The following ZBTB20 variants were observed in gnomAD, a reference collection of about 807,000 sequenced individuals.
ZBTB20 encodes zinc finger and BTB domain-containing protein 20.
A neutral mutation model predicts 56.9 loss-of-function variants in ZBTB20; 9 were observed. The observed-to-expected ratio is 0.16, with a 90% CI of 0.10 to 0.28. The LOEUF is 0.28. Ranked by LOEUF, ZBTB20 falls within the 10% of genes least tolerant of loss-of-function variation. The pLI is 1.00. For missense variants in ZBTB20, 655 were observed against 1,003.0 expected (o/e 0.65, Z 4.69); for synonymous variants, 417 against 420.7 (o/e 0.99, Z 0.11).
intron 5 of ZBTB20, among the ~76,000 whole-genome samples, chr3:114,778,251 TA>T (rs1442161193): frequency 1.1e-5 from 1 of 87,264 alleles, no homozygotes; most frequent in African/African-American, 7.8e-5. Flanking sequence ...ATGTTAATAA[TA>T]ATAATAATAA....
At chr3:114,464,581 T>C (rs1159818237) in intron 7 of ZBTB20, among the ~76,000 whole-genome samples, 6 of 152,242 alleles carry the variant, frequency 3.9e-5, no homozygotes, top group South Asian at 2.1e-4. Context: ...AGAAAAGATA[T>C]ATTCTTTTGT....
chr3:114,784,481 A>AGCATGAC (rs1448619178), intron 5 of ZBTB20, among the ~76,000 whole-genome samples: 1 of 152,224 alleles, frequency 6.6e-6, no homozygotes, highest in Non-Finnish European at 1.5e-5. Context: ...AAAGAATTGT[A>AGCATGAC]ATCAGTTCAA....
chr3:115,009,031 G>A (rs925027439), intron 2 of ZBTB20, among the ~76,000 whole-genome samples: 9 of 151,702 alleles, frequency 5.9e-5, no homozygotes, highest in East Asian at 2.0e-4. Context: ...ATTTTTATAC[G>A]TTATTGGACA....
intron 6 of ZBTB20, among the ~76,000 whole-genome samples, chr3:114,602,639 G>GT (rs1220432380): frequency 6.6e-6 from 1 of 151,856 alleles, no homozygotes; most frequent in Non-Finnish European, 1.5e-5. Context: ...GCTCACTGTT[G>GT]TATCTCCAGC....
chr3:114,719,081 C>G (rs1033487199), intron 5 of ZBTB20, among the ~76,000 whole-genome samples: 7 of 146,410 alleles, frequency 4.8e-5, no homozygotes, highest in Non-Finnish European at 8.9e-5. Context: ...GCAGAAGGAG[C>G]CAAAAGGCCA....
intron 7 of ZBTB20, among the ~76,000 whole-genome samples, chr3:114,442,852 G>T (rs1033502502): frequency 6.6e-6 from 1 of 151,994 alleles, no homozygotes; most frequent in Non-Finnish European, 1.5e-5. Flanking sequence ...ACCCTTACAT[G>T]TCTCAAGTTA....
intron 4 of ZBTB20, among the ~76,000 whole-genome samples, chr3:114,853,081 G>A (rs183722128): frequency 1.1e-4 from 16 of 152,268 alleles, no homozygotes; most frequent in Non-Finnish European, 4.4e-5. Context: ...AGTGGCAAAG[G>A]CTGGTGTGGT....
intron 7 of ZBTB20, among the ~76,000 whole-genome samples, chr3:114,483,310 CAAA>C (rs1227272692): frequency 6.6e-6 from 1 of 151,806 alleles, no homozygotes; most frequent in African/African-American, 2.4e-5. Context: ...TTTGTTGCTT[CAAA>C]TATGCAGAAA....
chr3:114,525,821 T>C (rs2047155773), intron 6 of ZBTB20, among the ~76,000 whole-genome samples: 2 of 152,204 alleles, frequency 1.3e-5, no homozygotes, highest in African/African-American at 4.8e-5. Context: ...TTTCTACCTT[T>C]TACCCTGCTG....
intron 4 of ZBTB20, among the ~76,000 whole-genome samples, chr3:114,810,597 C>T (rs1033463765): frequency 1.3e-4 from 20 of 152,202 alleles, no homozygotes; most frequent in African/African-American, 4.8e-4. Context: ...CCTAACTGTG[C>T]TAGTTGTCCC....
chr3:114,839,949 G>A (rs765197397), intron 4 of ZBTB20, among the ~76,000 whole-genome samples: 2 of 152,138 alleles, frequency 1.3e-5, no homozygotes, highest in African/African-American at 4.8e-5. Context: ...CCAATTCTGG[G>A]AAAGACTAAA....
intron 1 of ZBTB20, among the ~76,000 whole-genome samples, chr3:115,074,366 G>T (rs2082520690): frequency 1.3e-5 from 2 of 152,138 alleles, no homozygotes; most frequent in Non-Finnish European, 2.9e-5. Context: ...TGACAAAGAT[G>T]AGCTCAACAC....
At chr3:115,093,409 C>T (rs976001449) in intron 1 of ZBTB20, among the ~76,000 whole-genome samples, 3 of 152,028 alleles carry the variant, frequency 2.0e-5, no homozygotes, top group South Asian at 2.1e-4. Flanking sequence ...ATTTAGAAAG[C>T]GAAAAAGCAA....
intron 5 of ZBTB20, among the ~76,000 whole-genome samples, chr3:114,719,340 C>T (rs2064746014): frequency 6.6e-6 from 1 of 151,974 alleles, no homozygotes; most frequent in South Asian, 2.1e-4. Flanking sequence ...AATTCAGGTG[C>T]AATAAAGGTT....
chr3:114,355,125 T>G (rs574463640), intron 10 of ZBTB20, among the ~76,000 whole-genome samples: 1 of 152,300 alleles, frequency 6.6e-6, no homozygotes, highest in Non-Finnish European at 1.5e-5. Context: ...AAAGTAATGA[T>G]GAAGGTTGCT....
chr3:114,651,494 G>T (rs2060124683), intron 6 of ZBTB20, among the ~76,000 whole-genome samples: 1 of 137,372 alleles, frequency 7.3e-6, no homozygotes. Context: ...CTTTGGCTTT[G>T]ACAATTTAAA....
intron 4 of ZBTB20, among the ~76,000 whole-genome samples, chr3:114,846,179 T>C (rs2074695592): frequency 6.6e-6 from 1 of 152,174 alleles, no homozygotes; most frequent in African/African-American, 2.4e-5. Flanking sequence ...TTTGTATGCA[T>C]GTGTATGAAA....
chr3:114,979,498 T>G (rs774596827), intron 2 of ZBTB20, among the ~76,000 whole-genome samples: 2 of 152,024 alleles, frequency 1.3e-5, no homozygotes, highest in Admixed American at 6.6e-5. Flanking sequence ...GAACTATGAC[T>G]TCTGGTTAAT....
intron 6 of ZBTB20, among the ~76,000 whole-genome samples, chr3:114,578,724 A>G (rs1440946778): frequency 6.6e-6 from 1 of 151,820 alleles, no homozygotes; most frequent in Non-Finnish European, 1.5e-5. Flanking sequence ...AAGATAAAAA[A>G]CAAAATAAGT....
Sources: allele counts gnomAD v4.1 joint callset (sites outside exome capture counted in the v4.1 genomes callset), GRCh38; gene constraint gnomAD v4.1.1; transcripts MANE v1.5; gene names NCBI Gene and HGNC (gene_info 2026-07-23, HGNC 2026-07-21).